RB1: variants seen among roughly 807,000 people sequenced by gnomAD.
RB1 encodes RB transcriptional corepressor 1.
A neutral mutation model predicts 135.4 loss-of-function variants in RB1; 18 were observed. The observed-to-expected ratio is 0.13, with a 90% confidence interval of 0.09 to 0.20. The LOEUF (loss-of-function observed/expected upper bound fraction) is 0.20, where lower values mean the gene tolerates loss of function less well. RB1 is among the 10% of genes least tolerant of loss of function. RB1 has a pLI of 1.00. For missense variants in RB1, 868 were observed against 1,110.0 expected, an observed-to-expected ratio of 0.78 and a Z score of 3.10; for synonymous variants, 365 against 373.2, an observed-to-expected ratio of 0.98 and a Z score of 0.25.
At position 48,411,491 on chromosome 13, in the gene RB1, T is replaced by A. The variant is rs1948800044; in HGVS notation, c.1695+30048T>A. On this transcript the variant is annotated intron_variant, in intron 17 of 26. Transcript: ENST00000267163. The stretch of plus-strand genomic sequence containing the variant: ...GAACTTCAGAGAATCTGAAGTCACT[T>A]CTCCTGACAGACCAGTTTTTCATTT... 6.2e-7 allele frequency: 1 copy of A among 1,612,820 alleles called. No individual in the cohort carries two copies.
chr13:48,372,999 A>T (rs758000126), intron 11 of RB1, among the ~76,000 whole-genome samples: 14 of 152,190 alleles, frequency 9.2e-5, no homozygotes, highest in Non-Finnish European at 1.3e-4. Flanking sequence ...GTAAAGAAAA[A>T]TCATCTGATT....
At chr13:48,425,149 G>C (rs891498753) in intron 17 of RB1, among the ~76,000 whole-genome samples, 15 of 152,132 alleles carry the variant, frequency 9.9e-5, no homozygotes, top group Admixed American at 5.9e-4. Flanking sequence ...GAGAATCTAC[G>C]AATTTAGTAA....
At chr13:48,380,658 A>G (rs755898932) in intron 16 of RB1, among the ~76,000 whole-genome samples, 9 of 152,234 alleles carry the variant, frequency 5.9e-5, no homozygotes, top group Non-Finnish European at 1.3e-4. Context: ...AAGGCCAATT[A>G]CAATGTTTTT....
chr13:48,413,490 A>G (rs1948854434), intron 17 of RB1, among the ~76,000 whole-genome samples: 1 of 152,228 alleles, frequency 6.6e-6, no homozygotes, highest in Non-Finnish European at 1.5e-5. Context: ...ATAAATTGAA[A>G]TTGTTAGTGA....
At chr13:48,351,827 C>A (rs1952551586) in intron 6 of RB1, among the ~76,000 whole-genome samples, 1 of 152,044 alleles carries the variant, frequency 6.6e-6, no homozygotes, top group South Asian at 2.1e-4. Context: ...GTGTGCACCA[C>A]CATGCCCGGC....
chr13:48,474,294 T>C (rs558457133), intron 24 of RB1, among the ~76,000 whole-genome samples: 2 of 152,230 alleles, frequency 1.3e-5, no homozygotes, highest in Middle Eastern at 3.4e-3. Context: ...CAAGACTTGG[T>C]CTTTCTGGCA....
chr13:48,330,199 G>A (rs1311104464), intron 2 of RB1, among the ~76,000 whole-genome samples: 1 of 151,796 alleles, frequency 6.6e-6, no homozygotes, highest in Non-Finnish European at 1.5e-5. Context: ...AGATTTCATA[G>A]TGATAAACAC....
rs1180362381 is a variant in RB1 at position 48,310,147 on chromosome 13, T to TA, written c.264+2742dup. ...TTGAAATATGATTTTAAGTTAGAGT[T>TA]ACGTTTTTGAGGTTTGGCCTGAGAA... On this transcript the variant is annotated intron_variant, in intron 2 of 26. Transcript: ENST00000267163. Among the ~76,000 whole-genome samples the TA allele has an allele frequency of 2.0e-5, 3 of 152,304 alleles. No individual in the cohort carries two copies. The East Asian group carries it at 5.8e-4, about 29-fold the overall frequency.
chr13:48,346,058 C>T (rs1593436308), intron 4 of RB1, among the ~76,000 whole-genome samples: 1 of 142,498 alleles, frequency 7.0e-6, no homozygotes, highest in Admixed American at 7.0e-5. Flanking sequence ...ACTGTCTTTT[C>T]TTGCCCCTGG....
chr13:48,473,417 A>G (rs2138354817), intron 24 of RB1, 27 bp downstream of exon 24: 1 of 1,514,392 alleles, frequency 6.6e-7, no homozygotes, highest in Admixed American at 1.7e-5. Context: ...TATGAAATAT[A>G]ATAGTATGCA....
chr13:48,427,125 A>G (rs768932775), intron 17 of RB1, among the ~76,000 whole-genome samples: 7 of 152,194 alleles, frequency 4.6e-5, no homozygotes, highest in Admixed American at 2.6e-4. Flanking sequence ...GTCATCTTCT[A>G]CCAAACCTCA....
At chr13:48,351,243 C>T (rs1231273626) in intron 6 of RB1, among the ~76,000 whole-genome samples, 1 of 152,056 alleles carries the variant, frequency 6.6e-6, no homozygotes, top group Non-Finnish European at 1.5e-5. Context: ...TCACCAGTAT[C>T]TGTTATTTTT....
chr13:48,415,045 C>T (rs1948885195), intron 17 of RB1, among the ~76,000 whole-genome samples: 1 of 151,622 alleles, frequency 6.6e-6, no homozygotes, highest in Non-Finnish European at 1.5e-5. Flanking sequence ...TCTTAGTAAT[C>T]TTCTTTCAAA....
chr13:48,392,922 G>T (rs1948622178), intron 17 of RB1, among the ~76,000 whole-genome samples: 1 of 151,898 alleles, frequency 6.6e-6, no homozygotes, highest in South Asian at 2.1e-4. Flanking sequence ...TAAATTATCT[G>T]GAAATAATTT....
intron 24 of RB1, 96 bp from the exon 25 acceptor site, chr13:48,476,605 C>T (rs2138358467): frequency 7.7e-7 from 1 of 1,296,362 alleles, no homozygotes; most frequent in Admixed American, 1.9e-5. Flanking sequence ...ATTACCTTTG[C>T]CTGATTTTTG....
intron 17 of RB1, among the ~76,000 whole-genome samples, chr13:48,393,309 C>T (rs1438075590): frequency 1.3e-5 from 2 of 152,320 alleles, no homozygotes; most frequent in African/African-American, 4.8e-5. Context: ...TTTGCCTTGG[C>T]ATCTCCCATT....
intron 19 of RB1, among the ~76,000 whole-genome samples, chr13:48,459,179 C>T (rs1043778750): frequency 2.6e-5 from 4 of 152,040 alleles, no homozygotes; most frequent in African/African-American, 7.2e-5. Flanking sequence ...TATCATTCTG[C>T]CTTATATGTA....
At chr13:48,338,866 C>T (rs899069304) in intron 2 of RB1, among the ~76,000 whole-genome samples, 1 of 152,022 alleles carries the variant, frequency 6.6e-6, no homozygotes, top group Non-Finnish European at 1.5e-5. Flanking sequence ...GTGTGGATGT[C>T]GTTTCTGTTT....
chr13:48,400,527 AGTG>A (rs1484653778), intron 17 of RB1, among the ~76,000 whole-genome samples: 2 of 152,080 alleles, frequency 1.3e-5, no homozygotes, highest in Non-Finnish European at 2.9e-5. Context: ...TGTGTTTGTG[AGTG>A]TTACTATGCT....
Sources: allele counts gnomAD v4.1 joint callset (sites outside exome capture counted in the v4.1 genomes callset), GRCh38; gene constraint gnomAD v4.1.1; transcripts MANE v1.5; gene names NCBI Gene and HGNC (gene_info 2026-07-23, HGNC 2026-07-21).